Variants in TANK observed in about 807,000 individuals in gnomAD.
TANK encodes the protein TRAF family member-associated NF-kappa-B activator.
A neutral mutation model predicts 43.6 loss-of-function variants in TANK; 15 were observed. That is an observed-to-expected ratio of 0.34 (90% CI 0.23 to 0.53). The LOEUF (loss-of-function observed/expected upper bound fraction) is 0.53, where lower values mean the gene tolerates loss of function less well. TANK is among the 20% of genes least tolerant of loss of function. The pLI is 0.94. For synonymous variants in TANK, 162 were observed against 178.2 expected, an observed-to-expected ratio of 0.91 and a Z score of 0.73; for missense variants, 417 against 498.6, an observed-to-expected ratio of 0.84 and a Z score of 1.56.
intron 2 of TANK, among the ~76,000 whole-genome samples, chr2:161,198,853 T>C (rs771793305): frequency 1.3e-5 from 2 of 152,200 alleles, no homozygotes; most frequent in African/African-American, 2.4e-5. Context: ...ATCTGTCAAA[T>C]TGCAGATCTT....
intron 2 of TANK, chr2:161,202,833 G>T (rs761977859): frequency 1.5e-5 from 7 of 465,862 alleles, no homozygotes; most frequent in South Asian, 1.1e-4. Context: ...GTACAAACTT[G>T]TGTCTTTTTT....
upstream of TANK, chr2:161,160,415 T>A: frequency 1.6e-6 from 2 of 1,240,648 alleles, no homozygotes; most frequent in Non-Finnish European, 2.0e-6. Flanking sequence ...AAATGCAACT[T>A]CCGGTTGGAG....
At chr2:161,164,981 A>C (rs929201363) in intron 1 of TANK, among the ~76,000 whole-genome samples, 3 of 150,982 alleles carry the variant, frequency 2.0e-5, no homozygotes, top group Non-Finnish European at 4.4e-5. Flanking sequence ...GTAGTAAGTT[A>C]TGAGAGTAAA....
chr2:161,232,598 A>G (rs1194487110), intron 7 of TANK: 1 of 1,020,364 alleles, frequency 9.8e-7, no homozygotes, highest in Non-Finnish European at 1.4e-6. Context: ...AGTCTCAGTT[A>G]TAGTTGCTAC....
At chr2:161,206,635 A>G (rs999634524) in intron 4 of TANK, among the ~76,000 whole-genome samples, 3 of 152,058 alleles carry the variant, frequency 2.0e-5, no homozygotes, top group Non-Finnish European at 4.4e-5. Context: ...TCGAATTTTC[A>G]TTTATCTAAA....
At chr2:161,212,159 C>G (rs1686922483) in intron 4 of TANK, 1 of 319,574 alleles carries the variant, frequency 3.1e-6, no homozygotes, top group Admixed American at 6.5e-5. Flanking sequence ...CTCCCAGGCT[C>G]AAGTGAATCT....
At chr2:161,200,277 C>T (rs1686343249) in intron 2 of TANK, 1 of 856,724 alleles carries the variant, frequency 1.2e-6, no homozygotes, top group South Asian at 5.4e-5. Flanking sequence ...TTTGATAGTG[C>T]TAGAATGTAC....
chr2:161,144,771 C>T (rs187749785), intron 1 of TANK, among the ~76,000 whole-genome samples: 15 of 152,206 alleles, frequency 9.9e-5, no homozygotes, highest in African/African-American at 3.4e-4. Flanking sequence ...AATGTATATT[C>T]TGTTGATTTG....
intron 4 of TANK, chr2:161,207,432 A>G (rs998075642): frequency 1.0e-6 from 1 of 981,006 alleles, no homozygotes; most frequent in Non-Finnish European, 1.2e-6. Context: ...TAACCATTTA[A>G]TAAAAATAAA....
chr2:161,221,841 A>G (rs1359186478), intron 4 of TANK, among the ~76,000 whole-genome samples: 1 of 152,098 alleles, frequency 6.6e-6, no homozygotes, highest in Non-Finnish European at 1.5e-5. Flanking sequence ...AATAAGAATA[A>G]AAACAAAAAT....
At chr2:161,227,637 A>T (rs1434770473) in intron 6 of TANK, among the ~76,000 whole-genome samples, 1 of 152,250 alleles carries the variant, frequency 6.6e-6, no homozygotes, top group Admixed American at 6.5e-5. Flanking sequence ...ATTAATGTTA[A>T]TAGTCATTTC....
intron 1 of TANK, among the ~76,000 whole-genome samples, chr2:161,164,892 A>G (rs1184727442): frequency 6.6e-6 from 1 of 152,148 alleles, no homozygotes; most frequent in Non-Finnish European, 1.5e-5. Flanking sequence ...AATGATGGCA[A>G]TTGTTTGTCT....
upstream of TANK, chr2:161,156,114 G>T (rs762206503): frequency 1.0e-6 from 1 of 985,174 alleles, no homozygotes; most frequent in East Asian, 1.1e-4. Context: ...TGTGGTTGCC[G>T]TCTCTGTTCT....
At chr2:161,197,939 G>A (rs879395503) in intron 2 of TANK, among the ~76,000 whole-genome samples, 2 of 152,068 alleles carry the variant, frequency 1.3e-5, no homozygotes, top group Non-Finnish European at 1.5e-5. Flanking sequence ...AAATATATGA[G>A]ATAAATGCAC....
chr2:161,200,301 G>A (rs1686344530), intron 2 of TANK: 1 of 964,706 alleles, frequency 1.0e-6, no homozygotes, highest in Non-Finnish European at 1.2e-6. Context: ...CTTTGTAATT[G>A]TATTTTAAAA....
intron 7 of TANK, among the ~76,000 whole-genome samples, chr2:161,233,123 C>T (rs1688002146): frequency 6.6e-6 from 1 of 152,078 alleles, no homozygotes. Context: ...GTGGTTCATG[C>T]CTATAATCCC....
At chr2:161,208,350 A>G (rs1224610583) in intron 4 of TANK, among the ~76,000 whole-genome samples, 1 of 152,192 alleles carries the variant, frequency 6.6e-6, no homozygotes, top group Non-Finnish European at 1.5e-5. Context: ...TTGACTTCTA[A>G]AGGGACAGAA....
In TANK at chr2:161,235,654, G is replaced by T; in HGVS notation, c.*136G>T. ...TTCACAGCTATTTGAATTTTTTTCTGGATTTACTATATAACTCTTATTTTT... is the reference window on the plus strand; with the variant it reads ...TTCACAGCTATTTGAATTTTTTTCTTGATTTACTATATAACTCTTATTTTT... On this transcript the variant is annotated 3_prime_UTR_variant, in exon 8 of 8. Coordinates refer to ENST00000392749, the MANE Select transcript of TANK (RefSeq NM_001199135.3). 3 of 639,950 alleles carry T rather than the reference G, an allele frequency of 4.7e-6. No homozygotes were observed. Among genetic ancestry groups the T allele is most frequent in the South Asian group, 2.9e-5 (1 of 34,418 alleles). 39.6% of individuals were successfully genotyped at this position (639,950 alleles called of 1,614,324 possible). A position where few individuals can be genotyped will look rare whatever the true frequency, so the allele number is the denominator to read the frequency against.
chr2:161,214,804 G>GT (rs1290459691), intron 4 of TANK, among the ~76,000 whole-genome samples: 2 of 152,078 alleles, frequency 1.3e-5, no homozygotes, highest in African/African-American at 4.8e-5. Flanking sequence ...CAGAGAAAAA[G>GT]GACTTTATTA....
Sources: allele counts gnomAD v4.1 joint callset (sites outside exome capture counted in the v4.1 genomes callset), GRCh38; gene constraint gnomAD v4.1.1; transcripts MANE v1.5; gene names NCBI Gene and HGNC (gene_info 2026-07-23, HGNC 2026-07-21).